MYT1L: variants seen among roughly 807,000 people sequenced by gnomAD.
MYT1L encodes the protein myelin transcription factor 1-like protein.
MYT1L carries 12 observed loss-of-function variants against 126.7 expected under a neutral mutation model. That is an observed-to-expected ratio of 0.09 (90% confidence interval 0.06 to 0.15). MYT1L has a LOEUF of 0.15. MYT1L is among the 10% of genes least tolerant of loss of function. The probability of loss-of-function intolerance (pLI) is 1.00; values close to 1 mark genes in which losing one functional copy is unlikely to be tolerated. For synonymous variants in MYT1L, 541 were observed against 604.2 expected, an observed-to-expected ratio of 0.90 and a Z score of 1.53; for missense variants, 979 against 1,585.2, an observed-to-expected ratio of 0.62 and a Z score of 6.49.
At chr2:2,000,149 G>A (rs2062223994) in intron 4 of MYT1L, among the ~76,000 whole-genome samples, 2 of 152,164 alleles carry the variant, frequency 1.3e-5, no homozygotes, top group South Asian at 4.1e-4. Flanking sequence ...CCCTGGGCAG[G>A]AGCAGGGCAG....
At chr2:2,307,118 C>T (rs1428766445) in intron 1 of MYT1L, among the ~76,000 whole-genome samples, 1 of 152,082 alleles carries the variant, frequency 6.6e-6, no homozygotes, top group Non-Finnish European at 1.5e-5. Context: ...TGGCCCAGTC[C>T]TCACGGCAAT....
At chr2:2,301,307 A>G (rs944015174) in intron 1 of MYT1L, among the ~76,000 whole-genome samples, 2 of 151,920 alleles carry the variant, frequency 1.3e-5, no homozygotes, top group Non-Finnish European at 2.9e-5. Flanking sequence ...AGAAAACTTT[A>G]TTTGAAACAG....
Position 1,906,836 on chromosome 2 carries a change from G to T in MYT1L, c.1817+3404C>A, listed in dbSNP as rs535207365. ...CTCATGCCTGTAATCCCAACACTTT[G>T]AGAGGCTGAGCCAGGAGGATCACTT... is the stretch of plus-strand genomic sequence containing the variant. On this transcript the variant is annotated intron_variant, in intron 13 of 24. Transcript: ENST00000647738. Among the ~76,000 whole-genome samples, 7 of 152,066 alleles carry T rather than the reference G, an allele frequency of 4.6e-5. No individual in the cohort carries two copies. The East Asian group carries it at 9.7e-4, about 21-fold the overall frequency.
rs1316416056 is a variant in MYT1L at position 1,840,896 on chromosome 2, C to CTT, written c.2775-55_2775-54dup. 95 of 962,422 alleles carry CTT rather than the reference C, an allele frequency of 9.9e-5. 3 individuals are homozygous for CTT. The African/African-American group carries it at 1.8e-3, about 18-fold the overall frequency. 59.6% of individuals were successfully genotyped at this position (962,422 alleles called of 1,614,324 possible). On this transcript the variant is annotated intron_variant, in intron 19 of 24. Transcript: ENST00000647738. Reference sequence around the variant, plus strand: ...ACCCCACACCGTTGATTTCAGTGAGCTTTCTTTCTTTTTTTTTTTTTTTTT... The same window carrying CTT: ...ACCCCACACCGTTGATTTCAGTGAGCTTTTTCTTTCTTTTTTTTTTTTTTTTT...
intron 22 of MYT1L, among the ~76,000 whole-genome samples, chr2:1,802,222 A>G (rs2034981504): frequency 6.6e-6 from 1 of 152,192 alleles, no homozygotes; most frequent in African/African-American, 2.4e-5. Flanking sequence ...GCTTGGAGCC[A>G]GGCTCTGCAG....
At chr2:2,128,648 T>A (rs1349758152) in intron 3 of MYT1L, among the ~76,000 whole-genome samples, 1 of 152,228 alleles carries the variant, frequency 6.6e-6, no homozygotes, top group Non-Finnish European at 1.5e-5. Context: ...AATTAAAATT[T>A]ATAATGGTTA....
At chr2:2,295,279 G>A (rs2095654256) in intron 1 of MYT1L, among the ~76,000 whole-genome samples, 2 of 152,174 alleles carry the variant, frequency 1.3e-5, no homozygotes, top group South Asian at 2.1e-4. Context: ...GTATCACACT[G>A]CATTGAAGCC....
At chr2:2,168,049 C>G (rs2089452650) in intron 3 of MYT1L, among the ~76,000 whole-genome samples, 1 of 152,090 alleles carries the variant, frequency 6.6e-6, no homozygotes, top group South Asian at 2.1e-4. Flanking sequence ...AAAATTTTAT[C>G]CCTTCACTTG....
At chr2:2,198,376 A>C (rs898109311) in intron 2 of MYT1L, among the ~76,000 whole-genome samples, 4 of 152,152 alleles carry the variant, frequency 2.6e-5, no homozygotes, top group African/African-American at 9.7e-5. Context: ...AGAGCAAATA[A>C]CAAGGTATTG....
chr2:2,109,633 G>C (rs1223021524), intron 3 of MYT1L, among the ~76,000 whole-genome samples: 3 of 151,856 alleles, frequency 2.0e-5, no homozygotes, highest in African/African-American at 7.3e-5. Flanking sequence ...GTAGTACTTG[G>C]GGTTTTGGGG....
At chr2:2,165,584 C>T (rs2148474148) in intron 3 of MYT1L, among the ~76,000 whole-genome samples, 1 of 152,168 alleles carries the variant, frequency 6.6e-6, no homozygotes, top group East Asian at 1.9e-4. Flanking sequence ...TCCATATGTC[C>T]TTTATAGCTG....
intron 19 of MYT1L, among the ~76,000 whole-genome samples, chr2:1,851,212 T>C (rs1218840773): frequency 2.0e-5 from 3 of 152,204 alleles, no homozygotes; most frequent in Admixed American, 6.5e-5. Flanking sequence ...TAATGTTACA[T>C]TCTGCTTAGA....
intron 4 of MYT1L, among the ~76,000 whole-genome samples, chr2:2,039,717 C>T (rs1463305342): frequency 2.0e-5 from 3 of 152,160 alleles, no homozygotes; most frequent in African/African-American, 4.8e-5. Context: ...TTCATTTGGG[C>T]ATAGAAGTTG....
chr2:2,121,046 A>C (rs1263710659), intron 3 of MYT1L, among the ~76,000 whole-genome samples: 1 of 152,150 alleles, frequency 6.6e-6, no homozygotes, highest in Non-Finnish European at 1.5e-5. Flanking sequence ...TGCTCGGCGG[A>C]AGTCAAGGAG....
In MYT1L at chr2:1,890,098, C is replaced by T. The variant is rs2048661891; in HGVS notation, c.2284-621G>A. 3.4e-5 allele frequency among the ~76,000 whole-genome samples: 5 copies of T among 149,092 alleles called. No individual in the cohort carries two copies. The South Asian group carries it at 1.1e-3, about 32-fold the overall frequency. On this transcript the variant is annotated intron_variant, in intron 15 of 24. Coordinates refer to ENST00000647738, the MANE Select transcript of MYT1L (RefSeq NM_001303052.2). ...TTTTTTTTTTTTTGAGGGACAGAGT[C>T]TTGCTCTGGTATCCAGGCTGGAGTG...
chr2:1,805,552 G>A (rs1180946578), intron 22 of MYT1L, among the ~76,000 whole-genome samples: 1 of 152,182 alleles, frequency 6.6e-6, no homozygotes, highest in African/African-American at 2.4e-5. Context: ...AGGAGTTCAA[G>A]AGCAACACAG....
chr2:2,262,741 G>A (rs1286508629), intron 2 of MYT1L, among the ~76,000 whole-genome samples: 1 of 150,290 alleles, frequency 6.7e-6, no homozygotes, highest in Non-Finnish European at 1.5e-5. Context: ...CATCTGACCT[G>A]TCTTTGCAGC....
At chr2:1,865,850 G>A (rs1037556714) in intron 18 of MYT1L, among the ~76,000 whole-genome samples, 1 of 152,200 alleles carries the variant, frequency 6.6e-6, no homozygotes, top group African/African-American at 2.4e-5. Flanking sequence ...TCCTCCACAC[G>A]CTGCCTGCTC....
At chr2:2,180,432 G>A (rs929743650) in intron 2 of MYT1L, among the ~76,000 whole-genome samples, 1 of 152,100 alleles carries the variant, frequency 6.6e-6, no homozygotes, top group African/African-American at 2.4e-5. Flanking sequence ...TGAATCAGTG[G>A]TGCTACCTTA....
Sources: allele counts gnomAD v4.1 joint callset (sites outside exome capture counted in the v4.1 genomes callset), GRCh38; gene constraint gnomAD v4.1.1; transcripts MANE v1.5; gene names NCBI Gene and HGNC (gene_info 2026-07-23, HGNC 2026-07-21).